Variants in TMEM62 observed in about 807,000 individuals in gnomAD.
TMEM62 encodes transmembrane protein 62.
Under a neutral mutation model 70.4 loss-of-function variants are expected in TMEM62, and 41 were observed. The observed-to-expected ratio is 0.58, with a 90% CI of 0.45 to 0.76. The LOEUF is 0.76. TMEM62 is among the 30% of genes least tolerant of loss of function. The pLI is 0.00. For missense variants in TMEM62, 688 were observed against 788.5 expected, an observed-to-expected ratio of 0.87 and a Z score of 1.53; for synonymous variants, 268 against 291.0, an observed-to-expected ratio of 0.92 and a Z score of 0.80.
chr15:43,184,715 G>C lies in TMEM62; in HGVS notation c.*129G>C. ...GCTTTAGGGAGCAGCTGCTCGTTTG[G>C]AGTCCTGGACGTTGGAGGGATTACC... On this transcript the variant is annotated 3_prime_UTR_variant, in exon 14 of 14. Transcript: ENST00000260403. The C allele has an allele frequency of 1.3e-6, 1 of 781,890 alleles. No individual in the cohort carries two copies. The highest frequency in any genetic ancestry group is 2.0e-6 in the Non-Finnish European group (1 of 494,364). The allele number at this position is 781,890 out of a possible 1,614,324, so 48.4% of individuals were successfully genotyped here. A position where few individuals can be genotyped will look rare whatever the true frequency, so the allele number is the denominator to read the frequency against.
intron 8 of TMEM62, among the ~76,000 whole-genome samples, 188 bp from the exon 9 acceptor site, chr15:43,154,484 C>T (rs1464376762): frequency 6.6e-6 from 1 of 152,160 alleles, no homozygotes; most frequent in Non-Finnish European, 1.5e-5. Context: ...TTCAGTTTTG[C>T]TAATTGTCCA....
intron 10 of TMEM62, among the ~76,000 whole-genome samples, chr15:43,162,434 T>A (rs1040230000): frequency 1.4e-5 from 2 of 140,288 alleles, no homozygotes; most frequent in Non-Finnish European, 3.0e-5. Context: ...CCCCTGGCCC[T>A]TTTTTTTTTT....
At chr15:43,141,403 C>T (rs915124078) in intron 4 of TMEM62, among the ~76,000 whole-genome samples, 4 of 152,210 alleles carry the variant, frequency 2.6e-5, no homozygotes, top group African/African-American at 9.7e-5. Flanking sequence ...AATAGCACAT[C>T]TCTTTACAGC....
At position 43,154,750 on chromosome 15, in the gene TMEM62, T is replaced by C. The variant is rs189259724; in HGVS notation, c.1101T>C (p.His367=). Residue 367 remains histidine (H), a synonymous_variant, in exon 9 of 14, where the codon CAT becomes CAC. Transcript: ENST00000260403. The part of the protein sequence containing the change: ...IDGVHLGQAV[H]VSGPIFVLKW... ...GAGTTCATTTAGGCCAGGCTGTTCA[T>C]GTGTCTGGTCCCATTTTCGTACTGA... 10 of 1,614,094 alleles carry C rather than the reference T, an allele frequency of 6.2e-6. No individual in the cohort carries two copies. Among genetic ancestry groups the C allele is most frequent in the East Asian group, 4.5e-5 (2 of 44,878 alleles).
At chr15:43,141,532 A>G (rs895816694) in intron 4 of TMEM62, among the ~76,000 whole-genome samples, 1 of 152,242 alleles carries the variant, frequency 6.6e-6, no homozygotes, top group Non-Finnish European at 1.5e-5. Flanking sequence ...TCTGAGGAAG[A>G]TGTACAAGGA....
At chr15:43,148,663 T>C in intron 5 of TMEM62, 92 bp from the exon 6 acceptor site, 1 of 1,439,428 alleles carries the variant, frequency 6.9e-7, no homozygotes, top group Non-Finnish European at 9.4e-7. Context: ...ATAATAATTA[T>C]TATAAATCTT....
intron 7 of TMEM62, among the ~76,000 whole-genome samples, chr15:43,151,504 C>T (rs2037388699): frequency 3.3e-5 from 5 of 152,010 alleles, no homozygotes; most frequent in African/African-American, 1.2e-4. Flanking sequence ...AGATGAGTTA[C>T]TTCAACAAGT....
At chr15:43,168,848 C>T (rs1278220485) in intron 10 of TMEM62, among the ~76,000 whole-genome samples, 2 of 152,176 alleles carry the variant, frequency 1.3e-5, no homozygotes, top group African/African-American at 2.4e-5. Flanking sequence ...CCCTAGGGCA[C>T]TTGTTTAGTC....
At chr15:43,169,851 AT>A (rs2040001043) in intron 11 of TMEM62, 174 bp downstream of exon 11, 1 of 549,058 alleles carries the variant, frequency 1.8e-6, no homozygotes, top group Non-Finnish European at 3.2e-6. Flanking sequence ...TACAGTTGGG[AT>A]TTATACATTT....
At chr15:43,177,269 A>G (rs1030110940) in intron 11 of TMEM62, among the ~76,000 whole-genome samples, 1 of 152,146 alleles carries the variant, frequency 6.6e-6, no homozygotes, top group Non-Finnish European at 1.5e-5. Context: ...GTCACTGGCC[A>G]TCAGAGAAAT....
chr15:43,133,982 G>A lies in TMEM62; in HGVS notation c.180G>A (p.Gln60=), dbSNP rs1489691095. 1 of 1,443,924 alleles carries A rather than the reference G, an allele frequency of 6.9e-7. No individual in the cohort carries two copies. 89.4% of individuals were successfully genotyped at this position (1,443,924 alleles called of 1,614,324 possible). ...ACAGCAACATCTTCTGGGGCCTGCA[G>A]GTGACGCGGCGGGAAGCCGGGCCGG... is the stretch of plus-strand genomic sequence containing the variant. ...PGDSNIFWGL[Q]ISDIHLSRFR... The change falls in exon 1 of 14, where the codon CAG becomes CAA. Residue 60 remains glutamine (Q), a splice_region_variant and synonymous_variant. Coordinates refer to ENST00000260403, the MANE Select transcript of TMEM62 (RefSeq NM_024956.4).
chr15:43,138,674 G>T (rs1032762394), intron 4 of TMEM62, 55 bp downstream of exon 4: 3 of 1,385,666 alleles, frequency 2.2e-6, no homozygotes, highest in African/African-American at 1.5e-5. Flanking sequence ...TATAAGGAGG[G>T]TGTGGTCAAC....
chr15:43,154,725 G>T lies in TMEM62; in HGVS notation c.1076G>T (p.Gly359Val). The T allele has an allele frequency of 6.2e-7, 1 of 1,613,866 alleles. No individual in the cohort carries two copies. The highest frequency in any genetic ancestry group is 8.5e-7 in the Non-Finnish European group (1 of 1,179,916). The change falls in exon 9 of 14, where the codon GGA (glycine) becomes GTA (valine). Residue 359 changes from glycine (G) to valine (V), a missense_variant. Transcript: ENST00000260403. ...ACTTCTGTCACAGTTAAGATTGATG[G>T]AGTTCATTTAGGCCAGGCTGTTCAT... is the stretch of plus-strand genomic sequence containing the variant. ...SITSVTVKID[G>V]VHLGQAVHVS...
intron 4 of TMEM62, among the ~76,000 whole-genome samples, chr15:43,139,747 G>T (rs1166706079): frequency 6.6e-6 from 1 of 152,164 alleles, no homozygotes; most frequent in Non-Finnish European, 1.5e-5. Context: ...TTCTATGAAG[G>T]CTGAGAGAGG....
chr15:43,184,586 A>G lies in TMEM62; in HGVS notation c.1932A>G (p.Ter644TrpextTer18), dbSNP rs2041721260. 2 of 1,607,958 alleles carry G rather than the reference A, an allele frequency of 1.2e-6. No individual in the cohort carries two copies. Among genetic ancestry groups the G allele is most frequent in the East Asian group, 4.5e-5 (2 of 44,876 alleles). The change falls in exon 14 of 14, where the codon TGA becomes TGG. Residue 644 changes from the stop codon to tryptophan (W), a stop_lost. Transcript: ENST00000260403. ...MVQLKSHLSS* is the reference protein window; with the variant it reads ...MVQLKSHLSSW ...AGTTAAAAAGCCACCTGAGCTCCTG[A>G]AGGCCATGTCTCACCACTGGCAGCT...
intron 10 of TMEM62, 112 bp from the exon 11 acceptor site, chr15:43,169,481 T>C (rs1022795324): frequency 2.4e-6 from 2 of 842,960 alleles, no homozygotes; most frequent in African/African-American, 3.4e-5. Flanking sequence ...GTATTTCTTA[T>C]ATCACAGTAT....
chr15:43,155,130 G>A (rs1436172596), intron 9 of TMEM62, among the ~76,000 whole-genome samples: 2 of 152,214 alleles, frequency 1.3e-5, no homozygotes, highest in Non-Finnish European at 2.9e-5. Flanking sequence ...TCAGGAGGCT[G>A]AGGCAGGAGA....
intron 10 of TMEM62, among the ~76,000 whole-genome samples, chr15:43,163,750 T>A (rs1252257180): frequency 6.6e-6 from 1 of 150,862 alleles, no homozygotes; most frequent in Admixed American, 6.6e-5. Flanking sequence ...CCACTGCACT[T>A]CAGCCTGGGT....
In TMEM62 at chr15:43,178,651, T is replaced by C. The variant is rs546460521; in HGVS notation, c.1426T>C (p.Leu476=). Residue 476 remains leucine, a synonymous_variant, in exon 12 of 14, where the codon TTG becomes CTG. Coordinates refer to ENST00000260403, the MANE Select transcript of TMEM62 (RefSeq NM_024956.4). The part of the protein sequence containing the change: ...INLTSFSLHV[L]SKINIFYYSV... Reference sequence around the variant, plus strand: ...TCTGACCTCATTTTCTCTTCATGTCTTGAGCAAAATAAACATCTTCTACTA... The same window carrying C: ...TCTGACCTCATTTTCTCTTCATGTCCTGAGCAAAATAAACATCTTCTACTA... 146 of 1,613,392 alleles carry C rather than the reference T, an allele frequency of 9.0e-5. 1 individual carries two copies. Among genetic ancestry groups the C allele is most frequent in the Middle Eastern group, 6.6e-4 (4 of 6,056 alleles).
Sources: gnomAD v4.1 joint callset for allele counts (sites outside exome capture counted in the v4.1 genomes callset) on GRCh38, gnomAD v4.1.1 for gene constraint, MANE v1.5 for transcripts, NCBI Gene and HGNC (gene_info 2026-07-23, HGNC 2026-07-21) for gene names.